PRPSAP2: variants seen among roughly 807,000 people sequenced by gnomAD.
The protein encoded by PRPSAP2 is phosphoribosyl pyrophosphate synthetase associated protein 2.
Under a neutral mutation model 40.6 loss-of-function variants are expected in PRPSAP2, and 24 were observed. The observed-to-expected ratio is 0.59, with a 90% confidence interval of 0.43 to 0.83. PRPSAP2 has a LOEUF of 0.83. Among genes scored for constraint, PRPSAP2 ranks in the 40% least tolerant of loss-of-function variants. PRPSAP2 has a pLI of 0.00. For missense variants in PRPSAP2, 292 were observed against 465.6 expected, an observed-to-expected ratio of 0.63 and a Z score of 3.43; for synonymous variants, 149 against 164.7, an observed-to-expected ratio of 0.90 and a Z score of 0.73.
chr17:18,906,289 C>T (rs1383254299), intron 8 of PRPSAP2, among the ~76,000 whole-genome samples: 1 of 152,118 alleles, frequency 6.6e-6, no homozygotes, highest in Admixed American at 6.5e-5. Context: ...AATTATAGCT[C>T]AGTGCAGCCT....
chr17:18,907,644 A>C (rs1567728368), intron 8 of PRPSAP2, among the ~76,000 whole-genome samples: 2 of 152,204 alleles, frequency 1.3e-5, no homozygotes, highest in Non-Finnish European at 2.9e-5. Flanking sequence ...TGAGCCATAA[A>C]ATAAGCCCCA....
At chr17:18,883,670 GCCACC>G (rs2038929872) in intron 7 of PRPSAP2, among the ~76,000 whole-genome samples, 1 of 152,038 alleles carries the variant, frequency 6.6e-6, no homozygotes, top group Non-Finnish European at 1.5e-5. Context: ...ACAGGCATGA[GCCACC>G]GCACCTGGCC....
chr17:18,896,630 T>G (rs533868466), intron 8 of PRPSAP2, among the ~76,000 whole-genome samples: 1 of 146,320 alleles, frequency 6.8e-6, no homozygotes, highest in African/African-American at 2.5e-5. Context: ...TCAACTGGTA[T>G]TGTCACTTCA....
intron 10 of PRPSAP2, 131 bp from the exon 11 acceptor site, chr17:18,928,680 G>A (rs542876459): frequency 2.1e-5 from 25 of 1,207,778 alleles, no homozygotes; most frequent in African/African-American, 7.5e-5. Flanking sequence ...GGGCCATGCC[G>A]TCTGCACAAG....
At chr17:18,876,446 G>T (rs1481105809) in intron 5 of PRPSAP2, among the ~76,000 whole-genome samples, 1 of 152,134 alleles carries the variant, frequency 6.6e-6, no homozygotes, top group East Asian at 1.9e-4. Context: ...TAGTGACAGA[G>T]AACCTACTCA....
At chr17:18,926,077 G>A (rs1301820152) in intron 10 of PRPSAP2, among the ~76,000 whole-genome samples, 2 of 151,288 alleles carry the variant, frequency 1.3e-5, no homozygotes, top group African/African-American at 4.9e-5. Flanking sequence ...CAGCCCAGGC[G>A]ACTGAGCAAG....
At chr17:18,872,721 G>A (rs2037982809) in intron 5 of PRPSAP2, 72 bp downstream of exon 5, 2 of 1,195,772 alleles carry the variant, frequency 1.7e-6, no homozygotes, top group East Asian at 4.7e-5. Context: ...ATGATAGATG[G>A]CTAGCCAGGA....
chr17:18,891,160 T>C (rs1041628688), intron 8 of PRPSAP2, among the ~76,000 whole-genome samples: 1 of 152,168 alleles, frequency 6.6e-6, no homozygotes, highest in African/African-American at 2.4e-5. Context: ...AAAGAAAGTG[T>C]AGGGTGCCTC....
At chr17:18,873,255 G>A (rs942557721) in intron 5 of PRPSAP2, among the ~76,000 whole-genome samples, 2 of 143,840 alleles carry the variant, frequency 1.4e-5, no homozygotes, top group Admixed American at 1.5e-4. Context: ...GTGCAATGAC[G>A]CGATCTCGGC....
chr17:18,897,991 C>CTTTTTT (rs71155370), intron 8 of PRPSAP2, among the ~76,000 whole-genome samples: 1 of 116,352 alleles, frequency 8.6e-6, no homozygotes, highest in African/African-American at 3.2e-5. Flanking sequence ...AGAATTTTTG[C>CTTTTTT]TTTTTTTTTT....
chr17:18,926,969 G>T (rs910161332), intron 10 of PRPSAP2, among the ~76,000 whole-genome samples: 1 of 152,242 alleles, frequency 6.6e-6, no homozygotes, highest in African/African-American at 2.4e-5. Context: ...TGTCCACTTT[G>T]TGCTGCTGTA....
intron 4 of PRPSAP2, among the ~76,000 whole-genome samples, chr17:18,871,648 A>AT (rs2037878766): frequency 1.1e-5 from 1 of 91,260 alleles, no homozygotes; most frequent in African/African-American, 4.2e-5. Context: ...TGAGTATATA[A>AT]TTTTCTTTTT....
At chr17:18,880,442 G>A (rs191722090) in intron 6 of PRPSAP2, among the ~76,000 whole-genome samples, 4 of 152,068 alleles carry the variant, frequency 2.6e-5, no homozygotes, top group Non-Finnish European at 4.4e-5. Flanking sequence ...CCTCTTGCCC[G>A]GGCTGGGGTG....
At chr17:18,883,981 ACT>A (rs2038950540) in intron 7 of PRPSAP2, among the ~76,000 whole-genome samples, 1 of 151,966 alleles carries the variant, frequency 6.6e-6, no homozygotes, top group Non-Finnish European at 1.5e-5. Context: ...AAACATAAAA[ACT>A]CTACGCCAGG....
At chr17:18,893,222 C>T (rs2039689248) in intron 8 of PRPSAP2, among the ~76,000 whole-genome samples, 1 of 146,698 alleles carries the variant, frequency 6.8e-6, no homozygotes, top group Admixed American at 7.0e-5. Context: ...TGTCTCAGCT[C>T]ACTGCAACCT....
chr17:18,906,699 T>C (rs1232673259), intron 8 of PRPSAP2, among the ~76,000 whole-genome samples: 1 of 150,574 alleles, frequency 6.6e-6, no homozygotes, highest in African/African-American at 2.5e-5. Flanking sequence ...GTTTTTTGTG[T>C]GTTTGTTTGT....
intron 9 of PRPSAP2, among the ~76,000 whole-genome samples, chr17:18,916,306 A>G (rs1382765890): frequency 6.6e-6 from 1 of 151,730 alleles, no homozygotes; most frequent in Non-Finnish European, 1.5e-5. Context: ...TACAGCAGCA[A>G]CTCACTTCTC....
chr17:18,868,885 A>C (rs968446473), intron 4 of PRPSAP2, among the ~76,000 whole-genome samples: 13 of 152,050 alleles, frequency 8.5e-5, no homozygotes, highest in African/African-American at 3.1e-4. Context: ...AAATATTTAC[A>C]TATTATAAAG....
intron 10 of PRPSAP2, 78 bp from the exon 11 acceptor site, chr17:18,928,733 C>A: frequency 6.3e-7 from 1 of 1,579,592 alleles, no homozygotes; most frequent in Non-Finnish European, 8.6e-7. Context: ...TGTAGGCAGA[C>A]CCTTTTTTTT....
Sources: allele counts gnomAD v4.1 joint callset (sites outside exome capture counted in the v4.1 genomes callset), GRCh38; gene constraint gnomAD v4.1.1; transcripts MANE v1.5; gene names NCBI Gene and HGNC (gene_info 2026-07-23, HGNC 2026-07-21).